Variants in GRM1 observed in about 807,000 individuals in gnomAD.
GRM1 encodes metabotropic glutamate receptor 1.
Under a neutral mutation model 90.9 loss-of-function variants are expected in GRM1, and 33 were observed. The observed-to-expected ratio is 0.36, with a 90% CI of 0.28 to 0.49. The LOEUF (loss-of-function observed/expected upper bound fraction) is 0.49, where lower values mean the gene tolerates loss of function less well. Ranked by LOEUF, GRM1 falls within the 20% of genes least tolerant of loss-of-function variation. The probability of loss-of-function intolerance (pLI) is 0.99; values close to 1 mark genes in which losing one functional copy is unlikely to be tolerated. For synonymous variants in GRM1, 700 were observed against 613.2 expected, an observed-to-expected ratio of 1.14 and a Z score of -2.09; for missense variants, 1,190 against 1,534.3, an observed-to-expected ratio of 0.78 and a Z score of 3.75.
At chr6:146,299,549 C>T (rs1389714211) in intron 2 of GRM1, among the ~76,000 whole-genome samples, 1 of 152,144 alleles carries the variant, frequency 6.6e-6, no homozygotes, top group African/African-American at 2.4e-5. Flanking sequence ...ATCCAATTCT[C>T]CTTGGAATAT....
intron 2 of GRM1, among the ~76,000 whole-genome samples, chr6:146,228,962 C>T (rs1295773686): frequency 3.3e-5 from 5 of 152,190 alleles, no homozygotes; most frequent in South Asian, 4.1e-4. Flanking sequence ...ACCTAGGAAA[C>T]ATAATCATTA....
Position 146,397,352 on chromosome 6 carries a change from T to G in GRM1, c.1730-1417T>G, listed in dbSNP as rs548468746. 1.6e-4 allele frequency among the ~76,000 whole-genome samples: 25 copies of G among 151,614 alleles called. No homozygotes were observed. In the East Asian group the frequency reaches 2.7e-3, roughly 17 times the overall value. On this transcript the variant is annotated intron_variant, in intron 6 of 7. Coordinates refer to ENST00000282753, the MANE Select transcript of GRM1 (RefSeq NM_001278064.2). ...AGCCGGGCATGGTGGCGGGTGCCTG[T>G]AGCCCCAGCTACTCGGGAGACTGAG...
At chr6:146,243,490 G>A (rs868070488) in intron 2 of GRM1, among the ~76,000 whole-genome samples, 1 of 152,024 alleles carries the variant, frequency 6.6e-6, no homozygotes, top group African/African-American at 2.4e-5. Context: ...GAGAATGGGG[G>A]CTTCTTTTAC....
chr6:146,345,633 T>C (rs1046035680), intron 3 of GRM1, among the ~76,000 whole-genome samples: 3 of 152,208 alleles, frequency 2.0e-5, no homozygotes, highest in Admixed American at 6.5e-5. Context: ...AGCATAAACT[T>C]TGAAGCTTTC....
chr6:146,333,854 A>G (rs556377480), intron 3 of GRM1, among the ~76,000 whole-genome samples: 75 of 152,342 alleles, frequency 4.9e-4, no homozygotes, highest in South Asian at 1.0e-3. Flanking sequence ...AACAAGGAAA[A>G]TAAATGAACA....
intron 1 of GRM1, among the ~76,000 whole-genome samples, chr6:146,091,308 A>G (rs1319063306): frequency 2.0e-5 from 3 of 152,086 alleles, no homozygotes; most frequent in Non-Finnish European, 2.9e-5. Flanking sequence ...CCTCTCCACT[A>G]TGGGAAAGTG....
chr6:146,208,851 G>T (rs1779581457), intron 2 of GRM1, among the ~76,000 whole-genome samples: 2 of 152,114 alleles, frequency 1.3e-5, no homozygotes, highest in South Asian at 2.1e-4. Flanking sequence ...ATAAATGCCA[G>T]TGATTATAAA....
At chr6:146,140,257 C>T (rs1776820131) in intron 1 of GRM1, among the ~76,000 whole-genome samples, 4 of 146,228 alleles carry the variant, frequency 2.7e-5, no homozygotes, top group African/African-American at 7.6e-5. Flanking sequence ...TTTTTGTATC[C>T]GTATTATTAT....
At chr6:146,343,658 T>TTTATTATTATTATTA (rs58070198) in intron 3 of GRM1, among the ~76,000 whole-genome samples, 5,131 of 148,414 alleles carry the variant, frequency 0.035, 251 homozygotes, top group African/African-American at 0.12. Context: ...GTTGTTTTTA[T>TTTATTATTATTATTA]TTATTATTAT....
chr6:146,042,401 A>T (rs1325185807), intron 1 of GRM1, among the ~76,000 whole-genome samples: 1 of 152,026 alleles, frequency 6.6e-6, no homozygotes, highest in Non-Finnish European at 1.5e-5. Context: ...AGGAGGGGAA[A>T]AAATTAAGCA....
At chr6:146,161,068 A>T (rs1319728332) in intron 2 of GRM1, among the ~76,000 whole-genome samples, 1 of 152,196 alleles carries the variant, frequency 6.6e-6, no homozygotes, top group African/African-American at 2.4e-5. Flanking sequence ...TACACAGAGT[A>T]ATATATGCAC....
chr6:146,088,521 G>A (rs1252475307), intron 1 of GRM1, among the ~76,000 whole-genome samples: 1 of 152,042 alleles, frequency 6.6e-6, no homozygotes, highest in African/African-American at 2.4e-5. Context: ...GTTTAGTCTA[G>A]TGCAGATTCC....
At chr6:146,404,903 G>C (rs1415665399) in intron 7 of GRM1, among the ~76,000 whole-genome samples, 1 of 152,090 alleles carries the variant, frequency 6.6e-6, no homozygotes, top group African/African-American at 2.4e-5. Context: ...TCCAATAACA[G>C]GTAAAAATAA....
intron 1 of GRM1, among the ~76,000 whole-genome samples, chr6:146,110,440 C>T (rs1775513166): frequency 6.6e-6 from 1 of 152,136 alleles, no homozygotes. Flanking sequence ...GAGGCCTCTC[C>T]AGCCACACGG....
rs1212395166 is a variant in GRM1, at chr6:146,152,321, C to G, written c.701-7027C>G. ...AATGCCTTGCTTGGCATCAGGCCCA[C>G]TTTCCTTCTTACTTTTCTGAAGAGG... On this transcript the variant is annotated intron_variant, in intron 1 of 7. Transcript: ENST00000282753. 1.3e-5 allele frequency among the ~76,000 whole-genome samples: 2 copies of G among 151,898 alleles called. 1 individual carries two copies. Among genetic ancestry groups the G allele is most frequent in the Non-Finnish European group, 2.9e-5 (2 of 67,998 alleles).
intron 2 of GRM1, among the ~76,000 whole-genome samples, chr6:146,204,844 T>A (rs1189993474): frequency 6.6e-6 from 1 of 152,276 alleles, no homozygotes; most frequent in Admixed American, 6.5e-5. Flanking sequence ...ACAGACCCAA[T>A]GTGTAAGGCA....
At chr6:146,062,571 T>G (rs776760763) in intron 1 of GRM1, among the ~76,000 whole-genome samples, 5 of 151,044 alleles carry the variant, frequency 3.3e-5, no homozygotes, top group Non-Finnish European at 5.9e-5. Context: ...GTTTATAGTT[T>G]TTGGTTTGTT....
At chr6:146,260,528 G>T (rs958521287) in intron 2 of GRM1, among the ~76,000 whole-genome samples, 5 of 152,114 alleles carry the variant, frequency 3.3e-5, no homozygotes, top group African/African-American at 1.2e-4. Context: ...TAATGGGATT[G>T]CTGGGTTAAA....
intron 2 of GRM1, among the ~76,000 whole-genome samples, chr6:146,193,482 AAAGTAC>A (rs1375193434): frequency 6.6e-6 from 1 of 152,176 alleles, no homozygotes; most frequent in East Asian, 1.9e-4. Context: ...CGAGTGAAAA[AAAGTAC>A]AACTGGAGTG....
Sources: allele counts gnomAD v4.1 joint callset (sites outside exome capture counted in the v4.1 genomes callset), GRCh38; gene constraint gnomAD v4.1.1; transcripts MANE v1.5; gene names NCBI Gene and HGNC (gene_info 2026-07-23, HGNC 2026-07-21).